MATN2: variants seen among roughly 807,000 people sequenced by gnomAD.
MATN2 encodes the protein matrilin-2.
Under a neutral mutation model 103.2 loss-of-function variants are expected in MATN2, and 69 were observed. The observed-to-expected ratio is 0.67, with a 90% CI of 0.55 to 0.82. MATN2 has a LOEUF of 0.82. Among genes scored for constraint, MATN2 ranks in the 40% least tolerant of loss-of-function variants. The pLI is 0.00. For missense variants in MATN2, 1,023 were observed against 1,211.5 expected, an observed-to-expected ratio of 0.84 and a Z score of 2.31; for synonymous variants, 429 against 450.2, an observed-to-expected ratio of 0.95 and a Z score of 0.60.
chr8:97,880,448 G>C (rs1165626459), intron 1 of MATN2, among the ~76,000 whole-genome samples: 1 of 152,168 alleles, frequency 6.6e-6, no homozygotes, highest in African/African-American at 2.4e-5. Context: ...GCATTGTGAA[G>C]ACCCTGTTTC....
At chr8:97,999,714 A>T (rs540297092) in intron 7 of MATN2, among the ~76,000 whole-genome samples, 1 of 152,194 alleles carries the variant, frequency 6.6e-6, no homozygotes, top group African/African-American at 2.4e-5. Context: ...AGGGTCAGTG[A>T]CACAGCAAGG....
In MATN2 at chr8:98,016,762, G is replaced by C. The variant is rs953486381; in HGVS notation, c.1696+100G>C. On this transcript the variant is annotated intron_variant, in intron 11 of 18. Coordinates refer to ENST00000254898, the MANE Select transcript of MATN2 (RefSeq NM_002380.5). Reference sequence around the variant, plus strand: ...ATATCAGTTCCTCTCAGAAGTCAATGCCACACAGCAAAATGTAATGTAGTG... The same window carrying C: ...ATATCAGTTCCTCTCAGAAGTCAATCCCACACAGCAAAATGTAATGTAGTG... 27 of 1,400,036 alleles carry C rather than the reference G, an allele frequency of 1.9e-5. No individual in the cohort carries two copies. In the African/African-American group the frequency reaches 3.8e-4, roughly 20 times the overall value. The allele number at this position is 1,400,036 out of a possible 1,614,324, so 86.7% of individuals were successfully genotyped here.
In MATN2 at chr8:98,007,238, C is replaced by T; in HGVS notation, c.1450+11C>T. The T allele has an allele frequency of 6.2e-7, 1 of 1,613,664 alleles. No individual in the cohort carries two copies. The highest frequency in any genetic ancestry group is 8.5e-7 in the Non-Finnish European group (1 of 1,179,840). ...TCAAGACCTGCTCCCGTGAGTCCCT[C>T]CGCGCTCCTCTCATAGGGGAAGGTT... On this transcript the variant is annotated intron_variant, in intron 9 of 18. Coordinates refer to ENST00000254898, the MANE Select transcript of MATN2 (RefSeq NM_002380.5). This position sits in a 1 kb window ranked among gnomAD's most constrained non-coding sequence, Gnocchi z 4.2.
chr8:97,888,864 C>G (rs1430054910), intron 2 of MATN2, among the ~76,000 whole-genome samples: 1 of 152,066 alleles, frequency 6.6e-6, no homozygotes, highest in African/African-American at 2.4e-5. Context: ...TGGCATTGAC[C>G]TGGGTTCAAG....
At chr8:97,880,177 G>A (rs974316835) in intron 1 of MATN2, among the ~76,000 whole-genome samples, 16 of 149,574 alleles carry the variant, frequency 1.1e-4, no homozygotes, top group African/African-American at 3.2e-4. Flanking sequence ...TCTGCCTCTC[G>A]CGTTCAAATG....
chr8:97,876,615 C>T (rs746677182), intron 1 of MATN2, among the ~76,000 whole-genome samples: 3 of 152,180 alleles, frequency 2.0e-5, no homozygotes, highest in Admixed American at 6.5e-5. Context: ...TAAGCCACTG[C>T]GCCTGGCCTA....
chr8:97,907,312 C>T (rs1819207545), intron 2 of MATN2, among the ~76,000 whole-genome samples: 1 of 117,746 alleles, frequency 8.5e-6, no homozygotes, highest in Admixed American at 8.8e-5. Flanking sequence ...TCATAGCTCA[C>T]TTTTTTTTTT....
intron 4 of MATN2, among the ~76,000 whole-genome samples, chr8:97,949,521 T>C (rs969584452): frequency 2.0e-5 from 3 of 152,058 alleles, no homozygotes; most frequent in African/African-American, 7.2e-5. Context: ...GTTCGCAAAA[T>C]TGGGAACTGG....
intron 10 of MATN2, among the ~76,000 whole-genome samples, chr8:98,014,261 T>C (rs1004097188): frequency 4.6e-5 from 7 of 151,560 alleles, no homozygotes; most frequent in African/African-American, 1.7e-4. Context: ...CCATGGAAAA[T>C]GGAGTAGTAG....
At chr8:98,034,070 C>T (rs2279119) in intron 18 of MATN2, 13,155 of 425,562 alleles carry the variant, frequency 0.031, 282 homozygotes, top group Middle Eastern at 0.045. Context: ...CTCAGTACTC[C>T]AAACTTTTCC....
chr8:98,006,986 G>A, intron 8 of MATN2, 119 bp from the exon 9 acceptor site: 1 of 1,036,378 alleles, frequency 9.6e-7, no homozygotes, highest in Non-Finnish European at 1.4e-6. Context: ...CAGTGATGTG[G>A]GGTAGAATGA....
chr8:97,981,456 TGG>T (rs1231070915), intron 6 of MATN2, among the ~76,000 whole-genome samples: 1 of 152,118 alleles, frequency 6.6e-6, no homozygotes, highest in Non-Finnish European at 1.5e-5. Flanking sequence ...ACCACGTGCC[TGG>T]GCTACATTTA....
chr8:97,903,966 C>T (rs1185363167), intron 2 of MATN2, among the ~76,000 whole-genome samples: 1 of 152,172 alleles, frequency 6.6e-6, no homozygotes, highest in Non-Finnish European at 1.5e-5. Flanking sequence ...TAGTGTTGAA[C>T]CAATCCTTGC....
rs1219817453 is a variant in MATN2 at position 98,007,704 on chromosome 8, CT to C, written c.1573+106del. ...TGTGCCTGTGTGTCCTGTCTCCAGGCTTTGCTGGGCCTGCATGAATGTGTGT... is the reference window on the plus strand; with the variant it reads ...TGTGCCTGTGTGTCCTGTCTCCAGGCTTGCTGGGCCTGCATGAATGTGTGT... On this transcript the variant is annotated intron_variant, in intron 10 of 18. Transcript: ENST00000254898. The surrounding 1 kb of genome is among the most constrained non-coding windows in gnomAD (Gnocchi z 4.2). 3.5e-5 allele frequency: 47 copies of C among 1,359,650 alleles called. No homozygotes were observed. The highest frequency in any genetic ancestry group is 4.4e-5 in the Non-Finnish European group (44 of 997,768). 84.2% of individuals were successfully genotyped at this position (1,359,650 alleles called of 1,614,324 possible). A position where few individuals can be genotyped will look rare whatever the true frequency, so the allele number is the denominator to read the frequency against.
At chr8:97,945,944 A>T (rs548456171) in intron 4 of MATN2, among the ~76,000 whole-genome samples, 1 of 152,250 alleles carries the variant, frequency 6.6e-6, no homozygotes, top group Non-Finnish European at 1.5e-5. Context: ...TGAATCCCAT[A>T]TTCAGACAGC....
At chr8:98,023,510 A>T (rs1249515567) in intron 13 of MATN2, among the ~76,000 whole-genome samples, 3 of 152,002 alleles carry the variant, frequency 2.0e-5, no homozygotes, top group African/African-American at 7.3e-5. Context: ...GTCTCTACAA[A>T]AATTAGAAAA....
chr8:98,018,245 T>C, intron 12 of MATN2, 129 bp downstream of exon 12: 1 of 1,239,650 alleles, frequency 8.1e-7, no homozygotes, highest in Non-Finnish European at 1.1e-6. Context: ...TTGGGTGCTC[T>C]GAAAGTGTTT....
rs1810201286 is a variant in MATN2, at chr8:97,931,602, A to G, written c.712+80A>G. ...CATCTTCAAGTGTTCATTCTGTGTT[A>G]CTATGTCCCAGGTACTGTGCTGGCA... On this transcript the variant is annotated intron_variant, in intron 3 of 18. Transcript: ENST00000254898. This position sits in a 1 kb window ranked among gnomAD's most constrained non-coding sequence, Gnocchi z 4.1. The G allele has an allele frequency of 1.5e-6, 2 of 1,349,018 alleles. No homozygotes were observed. The highest frequency in any genetic ancestry group is 2.3e-5 in the Admixed American group (1 of 43,564). 83.6% of individuals were successfully genotyped at this position (1,349,018 alleles called of 1,614,324 possible).
At chr8:97,875,398 C>T (rs892521322) in intron 1 of MATN2, among the ~76,000 whole-genome samples, 2 of 152,140 alleles carry the variant, frequency 1.3e-5, no homozygotes, top group Non-Finnish European at 1.5e-5. Context: ...TGGAACTGCA[C>T]ACTTTATTTG....
Sources: allele counts gnomAD v4.1 joint callset (sites outside exome capture counted in the v4.1 genomes callset), GRCh38; gene constraint gnomAD v4.1.1; non-coding constraint Gnocchi (gnomAD v3.1); transcripts MANE v1.5; gene names NCBI Gene and HGNC (gene_info 2026-07-23, HGNC 2026-07-21).